Variants in SEC24D observed in about 807,000 individuals in gnomAD.
SEC24D encodes protein transport protein Sec24D.
In SEC24D, 69 loss-of-function variants were observed where a neutral mutation model predicts 116.9. The ratio of observed to expected loss-of-function variants is 0.59; its 90% confidence interval spans 0.49 to 0.72. The LOEUF (loss-of-function observed/expected upper bound fraction) is 0.72, where lower values mean the gene tolerates loss of function less well. Among genes scored for constraint, SEC24D ranks in the 30% least tolerant of loss-of-function variants. The pLI is 0.00. For missense variants in SEC24D, 1,131 were observed against 1,264.1 expected, an observed-to-expected ratio of 0.89 and a Z score of 1.60; for synonymous variants, 405 against 442.8, an observed-to-expected ratio of 0.91 and a Z score of 1.07.
chr4:118,768,942 G>A (rs574129734), intron 8 of SEC24D, among the ~76,000 whole-genome samples: 5 of 152,234 alleles, frequency 3.3e-5, no homozygotes, highest in Admixed American at 2.0e-4. Flanking sequence ...TTATACTTAC[G>A]TTAAAAACAT....
chr4:118,755,039 C>T (rs1430723503), intron 11 of SEC24D, among the ~76,000 whole-genome samples: 3 of 152,094 alleles, frequency 2.0e-5, no homozygotes, highest in Non-Finnish European at 2.9e-5. Flanking sequence ...ACAGGGTTCA[C>T]TTAAGATCTA....
At chr4:118,725,029 A>G (rs1215971037) in intron 22 of SEC24D, among the ~76,000 whole-genome samples, 5 of 152,232 alleles carry the variant, frequency 3.3e-5, no homozygotes, top group Non-Finnish European at 5.9e-5. Flanking sequence ...CTTTTTAGTT[A>G]TCAAGCAGAG....
At chr4:118,786,354 C>A (rs989924598) in intron 8 of SEC24D, among the ~76,000 whole-genome samples, 1 of 151,970 alleles carries the variant, frequency 6.6e-6, no homozygotes, top group African/African-American at 2.4e-5. Flanking sequence ...TATTTTTTGG[C>A]CTTTTATTCA....
At chr4:118,761,721 A>G (rs1341873586) in intron 10 of SEC24D, among the ~76,000 whole-genome samples, 1 of 152,216 alleles carries the variant, frequency 6.6e-6, no homozygotes, top group African/African-American at 2.4e-5. Flanking sequence ...TTCATCTACA[A>G]TGTCTGCCTA....
intron 19 of SEC24D, among the ~76,000 whole-genome samples, chr4:118,737,089 GT>G (rs1039971710): frequency 6.6e-6 from 1 of 152,186 alleles, no homozygotes; most frequent in African/African-American, 2.4e-5. Flanking sequence ...ACAGAATAAT[GT>G]TTCCATAGCT....
At position 118,739,071 on chromosome 4, in the gene SEC24D, G is replaced by A. The variant is rs915659155; in HGVS notation, c.2377+78C>T. The stretch of plus-strand genomic sequence containing the variant: ...CCCACCATAAGGTTGCAAAACTACA[G>A]TGCTTTTTAGCTACTGACAAATCTT... On this transcript the variant is annotated intron_variant, in intron 18 of 22. Transcript: ENST00000280551. 10 of 1,464,556 alleles carry A rather than the reference G, an allele frequency of 6.8e-6. No homozygotes were observed. In the African/African-American group the frequency reaches 1.1e-4, roughly 16 times the overall value. 90.7% of individuals were successfully genotyped at this position (1,464,556 alleles called of 1,614,324 possible).
intron 6 of SEC24D, among the ~76,000 whole-genome samples, chr4:118,808,112 C>T (rs1729751849): frequency 6.6e-6 from 1 of 152,108 alleles, no homozygotes; most frequent in Non-Finnish European, 1.5e-5. Flanking sequence ...AGGTGTGCAC[C>T]ACTATGCCCA....
In SEC24D at chr4:118,815,642, G is replaced by A. The variant is rs970771040; in HGVS notation, c.482C>T (p.Pro161Leu). 2.3e-5 allele frequency: 37 copies of A among 1,614,054 alleles called. No individual in the cohort carries two copies. Among genetic ancestry groups the A allele is most frequent in the African/African-American group, 5.3e-5 (4 of 74,940 alleles). Residue 161 changes from proline to leucine, a missense_variant, in exon 5 of 23, where the codon CCT becomes CTT. Transcript: ENST00000280551. ...SLQTPPRPPQ[P>L]SILQPGSQVL... is the part of the protein sequence containing the mutation. Reference sequence around the variant, plus strand: ...TTGAGATCCAGGCTGCAAAATGGAAGGCTGTGGAGGTCGTGGAGGAGTCTG... The same window carrying A: ...TTGAGATCCAGGCTGCAAAATGGAAAGCTGTGGAGGTCGTGGAGGAGTCTG...
Position 118,814,181 on chromosome 4 carries a change from C to T in SEC24D, c.801+847G>A, listed in dbSNP as rs147235768. Among the ~76,000 whole-genome samples the T allele has an allele frequency of 9.2e-4, 140 of 152,318 alleles. 1 individual carries two copies. The highest frequency in any genetic ancestry group is 6.8e-3 in the Middle Eastern group (2 of 294). On this transcript the variant is annotated intron_variant, in intron 6 of 22. Coordinates refer to ENST00000280551, the MANE Select transcript of SEC24D (RefSeq NM_014822.4). ...CCCAATGCCATAAGATTGGCAGCTTCCCTGTCTCAGTGACATTGGGCTTTG... is the reference window on the plus strand; with the variant it reads ...CCCAATGCCATAAGATTGGCAGCTTTCCTGTCTCAGTGACATTGGGCTTTG...
intron 6 of SEC24D, among the ~76,000 whole-genome samples, chr4:118,813,742 AT>A (rs1730018988): frequency 6.6e-6 from 1 of 152,212 alleles, no homozygotes; most frequent in Non-Finnish European, 1.5e-5. Flanking sequence ...CAACATATTG[AT>A]TTTGGACTTT....
At chr4:118,732,672 A>G (rs1725751584) in intron 20 of SEC24D, 61 bp downstream of exon 20, 1 of 1,489,730 alleles carries the variant, frequency 6.7e-7, no homozygotes, top group Non-Finnish European at 9.2e-7. Context: ...CATACGGGAA[A>G]GCACAAAATA....
chr4:118,731,229 T>C, intron 21 of SEC24D, 87 bp downstream of exon 21: 1 of 1,057,382 alleles, frequency 9.5e-7, no homozygotes, highest in Non-Finnish European at 1.4e-6. Flanking sequence ...TATTTTTCTT[T>C]CTGTAATATT....
At chr4:118,818,862 A>G (rs1350995952) in intron 3 of SEC24D, among the ~76,000 whole-genome samples, 7 of 152,264 alleles carry the variant, frequency 4.6e-5, no homozygotes, top group Non-Finnish European at 1.0e-4. Context: ...GGAATGAATA[A>G]CATTGTAACC....
intron 10 of SEC24D, among the ~76,000 whole-genome samples, chr4:118,760,136 TTC>T (rs1727299346): frequency 6.6e-6 from 1 of 152,124 alleles, no homozygotes; most frequent in African/African-American, 2.4e-5. Context: ...GATCCTCAAT[TTC>T]TCTCTTTTTC....
chr4:118,830,196 A>G (rs1310752297), intron 2 of SEC24D, among the ~76,000 whole-genome samples: 1 of 152,284 alleles, frequency 6.6e-6, no homozygotes, highest in African/African-American at 2.4e-5. Flanking sequence ...CTGATATTTA[A>G]TAGCCATTAA....
chr4:118,725,484 G>C (rs1725362154), intron 22 of SEC24D, among the ~76,000 whole-genome samples: 1 of 152,202 alleles, frequency 6.6e-6, no homozygotes, highest in Non-Finnish European at 1.5e-5. Context: ...CTGAGGCTGG[G>C]CAGGATAAGA....
At chr4:118,780,818 A>T (rs1411473989) in intron 8 of SEC24D, among the ~76,000 whole-genome samples, 4 of 149,424 alleles carry the variant, frequency 2.7e-5, no homozygotes, top group Non-Finnish European at 4.4e-5. Context: ...TGTTGAATTG[A>T]TCCCTTTACC....
At chr4:118,811,403 G>C (rs573824820) in intron 6 of SEC24D, among the ~76,000 whole-genome samples, 48 of 152,340 alleles carry the variant, frequency 3.2e-4, no homozygotes, top group African/African-American at 1.1e-3. Flanking sequence ...GTGTCAACTT[G>C]GCTAGGCCAT....
intron 8 of SEC24D, among the ~76,000 whole-genome samples, chr4:118,792,742 C>T (rs1341672343): frequency 6.6e-6 from 1 of 152,142 alleles, no homozygotes; most frequent in African/African-American, 2.4e-5. Flanking sequence ...TACCCAGGGA[C>T]ACAAAGACTG....
Sources: allele counts gnomAD v4.1 joint callset (sites outside exome capture counted in the v4.1 genomes callset), GRCh38; gene constraint gnomAD v4.1.1; transcripts MANE v1.5; gene names NCBI Gene and HGNC (gene_info 2026-07-23, HGNC 2026-07-21).